The following DIAPH3 variants were observed in gnomAD, a reference collection of about 807,000 sequenced individuals.
DIAPH3 encodes the protein protein diaphanous homolog 3.
DIAPH3 carries 117 observed loss-of-function variants against 144.3 expected under a neutral mutation model. That is an observed-to-expected ratio of 0.81 (90% CI 0.70 to 0.95). DIAPH3 has a LOEUF of 0.95. DIAPH3 is among the 40% of genes least tolerant of loss of function. The pLI is 0.00. For synonymous variants in DIAPH3, 519 were observed against 488.9 expected, an observed-to-expected ratio of 1.06 and a Z score of -0.81; for missense variants, 1,421 against 1,412.7, an observed-to-expected ratio of 1.01 and a Z score of -0.09.
At chr13:59,734,395 C>T (rs993123917) in intron 27 of DIAPH3, among the ~76,000 whole-genome samples, 3 of 151,968 alleles carry the variant, frequency 2.0e-5, no homozygotes, top group African/African-American at 7.3e-5. Context: ...TTATTTTTTC[C>T]TTTTTTCTCA....
chr13:60,154,967 A>T (rs1951951921), intron 1 of DIAPH3, among the ~76,000 whole-genome samples: 1 of 152,224 alleles, frequency 6.6e-6, no homozygotes, highest in Non-Finnish European at 1.5e-5. Context: ...CAAGTTAGAC[A>T]CATGTTAATT....
At chr13:59,966,390 C>T (rs1003176743) in intron 17 of DIAPH3, among the ~76,000 whole-genome samples, 1 of 151,898 alleles carries the variant, frequency 6.6e-6, no homozygotes, top group African/African-American at 2.4e-5. Context: ...CACAAGAAGC[C>T]AGAATTGTTT....
intron 1 of DIAPH3, among the ~76,000 whole-genome samples, chr13:60,136,537 T>C (rs1197328366): frequency 6.6e-6 from 1 of 151,092 alleles, no homozygotes; most frequent in Non-Finnish European, 1.5e-5. Flanking sequence ...CATATCTAAA[T>C]GTGACTTTGT....
intron 4 of DIAPH3, among the ~76,000 whole-genome samples, chr13:60,063,721 G>A (rs2056853637): frequency 6.6e-6 from 1 of 152,114 alleles, no homozygotes. Context: ...GAGGTCAGGA[G>A]TTCGAGACCA....
intron 17 of DIAPH3, among the ~76,000 whole-genome samples, chr13:59,949,176 T>C (rs2048967413): frequency 6.6e-6 from 1 of 152,182 alleles, no homozygotes; most frequent in South Asian, 2.1e-4. Context: ...GATTGGCTGC[T>C]GCGAATCTCC....
chr13:60,043,365 GAAAGAACATCT>G (rs971752522), intron 4 of DIAPH3, among the ~76,000 whole-genome samples: 23 of 152,280 alleles, frequency 1.5e-4, no homozygotes, highest in African/African-American at 4.8e-4. Context: ...GAGACTCAAA[GAAAGAACATCT>G]AACTTGGCAG....
At chr13:59,983,968 G>T in intron 12 of DIAPH3, 81 bp from the exon 13 acceptor site, 1 of 876,926 alleles carries the variant, frequency 1.1e-6, no homozygotes, top group South Asian at 1.4e-5. Context: ...GGCTAAGATT[G>T]ATTTCAAGTT....
intron 9 of DIAPH3, among the ~76,000 whole-genome samples, chr13:60,000,924 C>T (rs926803590): frequency 9.2e-5 from 14 of 152,256 alleles, no homozygotes; most frequent in African/African-American, 2.4e-4. Flanking sequence ...ATAGGAACAA[C>T]ATTAGAAGAA....
rs183657069 is a variant in DIAPH3 at position 59,833,738 on chromosome 13, G to A, written c.2863-467C>T. ...TGTGCCTGTGGGCAAGTGCCTTCAT[G>A]TCTCTGTGCTTCAATTTCCTCATCT... On this transcript the variant is annotated intron_variant, in intron 23 of 27. Coordinates refer to ENST00000400324, the MANE Select transcript of DIAPH3 (RefSeq NM_001042517.2). Among the ~76,000 whole-genome samples, 3 of 151,716 alleles carry A rather than the reference G, an allele frequency of 2.0e-5. No homozygotes were observed. In the East Asian group the frequency reaches 5.8e-4, roughly 29 times the overall value.
At chr13:60,119,427 A>G (rs1306195900) in intron 2 of DIAPH3, among the ~76,000 whole-genome samples, 1 of 152,122 alleles carries the variant, frequency 6.6e-6, no homozygotes, top group East Asian at 1.9e-4. Context: ...CAACTACCAA[A>G]TTCCTGACAC....
chr13:59,802,366 G>A (rs1373815478), intron 25 of DIAPH3, among the ~76,000 whole-genome samples: 4 of 151,754 alleles, frequency 2.6e-5, no homozygotes, highest in Non-Finnish European at 4.4e-5. Flanking sequence ...CAAGAAATAT[G>A]CCTAAAGATT....
intron 22 of DIAPH3, among the ~76,000 whole-genome samples, chr13:59,841,432 TA>T (rs907860165): frequency 7.6e-4 from 110 of 144,920 alleles, no homozygotes; most frequent in East Asian, 2.8e-3. Context: ...CTCCAAAAAT[TA>T]AAAAAAAAAA....
At chr13:60,012,954 G>T in intron 7 of DIAPH3, 1 of 961,004 alleles carries the variant, frequency 1.0e-6, no homozygotes, top group Non-Finnish European at 1.2e-6. Context: ...TATAAATACA[G>T]AATTGCTACT....
At chr13:59,890,053 G>C (rs1480448173) in intron 20 of DIAPH3, among the ~76,000 whole-genome samples, 1 of 152,126 alleles carries the variant, frequency 6.6e-6, no homozygotes, top group Non-Finnish European at 1.5e-5. Context: ...GGCAGAGCCA[G>C]AAGTACAAAG....
chr13:59,850,874 G>A (rs2042926875), intron 22 of DIAPH3, among the ~76,000 whole-genome samples: 1 of 147,486 alleles, frequency 6.8e-6, no homozygotes, highest in African/African-American at 2.5e-5. Flanking sequence ...TGAAATTGGG[G>A]CAATAATCAA....
rs149336582 is a variant in DIAPH3, at chr13:59,758,702, G to A, written c.3319+15487C>T. On this transcript the variant is annotated intron_variant, in intron 27 of 27. Coordinates refer to ENST00000400324, the MANE Select transcript of DIAPH3 (RefSeq NM_001042517.2). ...AAGTTTAAATAAAATAAAACAAAAC[G>A]TCCTAAATCAATGCAATACACAATG... Among the ~76,000 whole-genome samples, 294 of 151,908 alleles carry A rather than the reference G, an allele frequency of 1.9e-3. 1 individual carries two copies. The highest frequency in any genetic ancestry group is 6.6e-3 in the African/African-American group (272 of 41,432).
intron 2 of DIAPH3, among the ~76,000 whole-genome samples, chr13:60,128,421 T>C (rs936160151): frequency 6.6e-6 from 1 of 152,218 alleles, no homozygotes; most frequent in Admixed American, 6.5e-5. Flanking sequence ...TTTGGGTATA[T>C]ACCCAGCAAT....
At chr13:60,141,825 G>A (rs2059429914) in intron 1 of DIAPH3, among the ~76,000 whole-genome samples, 3 of 152,198 alleles carry the variant, frequency 2.0e-5, no homozygotes, top group Non-Finnish European at 4.4e-5. Flanking sequence ...AAAATAAAAA[G>A]TAGCATAAGC....
At chr13:59,672,755 A>G (rs2032447010) in intron 27 of DIAPH3, among the ~76,000 whole-genome samples, 1 of 152,210 alleles carries the variant, frequency 6.6e-6, no homozygotes, top group South Asian at 2.1e-4. Flanking sequence ...ATGTATTGAA[A>G]ATATATAAAA....
Sources: allele counts gnomAD v4.1 joint callset (sites outside exome capture counted in the v4.1 genomes callset), GRCh38; gene constraint gnomAD v4.1.1; transcripts MANE v1.5; gene names NCBI Gene and HGNC (gene_info 2026-07-23, HGNC 2026-07-21).